The following RELL1 variants were observed in gnomAD, a reference collection of about 807,000 sequenced individuals.
RELL1 encodes the protein RELT like 1, also known as RELT-like protein 1.
Under a neutral mutation model 23.0 loss-of-function variants are expected in RELL1, and 10 were observed. The ratio of observed to expected loss-of-function variants is 0.43; its 90% CI spans 0.27 to 0.74. The LOEUF (loss-of-function observed/expected upper bound fraction) is 0.74, where lower values mean the gene tolerates loss of function less well. Ranked by LOEUF, RELL1 falls within the 30% of genes least tolerant of loss-of-function variation. The pLI is 0.19. For synonymous variants in RELL1, 146 were observed against 146.8 expected (o/e 0.99, Z 0.04); for missense variants, 315 against 364.4 (o/e 0.86, Z 1.10).
intron 1 of RELL1, among the ~76,000 whole-genome samples, chr4:37,651,137 G>A (rs1380464334): frequency 6.6e-6 from 1 of 151,978 alleles, no homozygotes; most frequent in Admixed American, 6.6e-5. Context: ...CACACAGTAA[G>A]CACTATAAAT....
chr4:37,604,360 G>GA (rs1719096530), intron 6 of RELL1, among the ~76,000 whole-genome samples: 1 of 118,904 alleles, frequency 8.4e-6, no homozygotes, highest in South Asian at 2.7e-4. Flanking sequence ...ACTATAAATC[G>GA]GGATTGGAGG....
At chr4:37,598,553 G>A (rs1037335357) in intron 6 of RELL1, among the ~76,000 whole-genome samples, 3 of 152,046 alleles carry the variant, frequency 2.0e-5, no homozygotes, top group Admixed American at 1.3e-4. Flanking sequence ...CTACCGTGAC[G>A]CCATGAGCTA....
intron 1 of RELL1, among the ~76,000 whole-genome samples, chr4:37,683,241 A>G (rs1722280913): frequency 6.6e-6 from 1 of 152,220 alleles, no homozygotes. Flanking sequence ...AGTGGGGTAC[A>G]GTGGAAAGGG....
chr4:37,625,776 AT>A (rs1380123854), intron 6 of RELL1, among the ~76,000 whole-genome samples: 2 of 152,246 alleles, frequency 1.3e-5, no homozygotes, highest in African/African-American at 4.8e-5. Flanking sequence ...CCACAAAAAA[AT>A]GATAAATATA....
intron 1 of RELL1, among the ~76,000 whole-genome samples, chr4:37,669,906 G>T (rs1257707664): frequency 1.3e-5 from 2 of 151,526 alleles, no homozygotes; most frequent in African/African-American, 4.9e-5. Flanking sequence ...AATGCGGAAG[G>T]CCGCAGGGTC....
chr4:37,600,245 G>T (rs2939738), intron 6 of RELL1, among the ~76,000 whole-genome samples: 1 of 148,194 alleles, frequency 6.7e-6, no homozygotes, highest in Non-Finnish European at 1.5e-5. Context: ...ACTCCAGCCT[G>T]GGTGACAGAG....
At chr4:37,606,911 C>G (rs545654597), downstream of RELL1, among the ~76,000 whole-genome samples, 1 of 152,148 alleles carries the variant, frequency 6.6e-6, no homozygotes, top group South Asian at 2.1e-4. The surrounding 1 kb of genome is among the most constrained non-coding windows in gnomAD (Gnocchi z 4.1). Context: ...CAAAATGAAA[C>G]CTGGCAGACA....
intron 1 of RELL1, among the ~76,000 whole-genome samples, chr4:37,663,914 C>A (rs963817665): frequency 1.3e-5 from 2 of 152,066 alleles, no homozygotes; most frequent in Non-Finnish European, 2.9e-5. Context: ...CTCCAATGAC[C>A]CTATGATATA....
chr4:37,684,882 G>A (rs1294804171), intron 1 of RELL1, among the ~76,000 whole-genome samples: 1 of 152,190 alleles, frequency 6.6e-6, no homozygotes, highest in African/African-American at 2.4e-5. Context: ...GAACCAGAGA[G>A]CTGGAGGTTG....
intron 6 of RELL1, among the ~76,000 whole-genome samples, chr4:37,618,420 A>G (rs952235605): frequency 5.9e-5 from 9 of 151,766 alleles, no homozygotes; most frequent in Admixed American, 5.9e-4. Context: ...TATTTTTTTA[A>G]GTAGAGACAG....
chr4:37,650,389 C>T (rs1031608786), intron 1 of RELL1, among the ~76,000 whole-genome samples: 3 of 152,212 alleles, frequency 2.0e-5, no homozygotes, highest in African/African-American at 7.2e-5. Context: ...AGTTATGTGA[C>T]AAGCACCACA....
downstream of RELL1, among the ~76,000 whole-genome samples, chr4:37,605,838 A>G (rs1004559789): frequency 1.4e-4 from 17 of 121,160 alleles, no homozygotes; most frequent in African/African-American, 4.5e-4. Context: ...AAAGAAAGAA[A>G]GAAAGAAGGA....
chr4:37,640,802 T>A (rs76289939), intron 3 of RELL1, among the ~76,000 whole-genome samples: 6,193 of 152,240 alleles, frequency 0.041, 181 homozygotes, highest in Middle Eastern at 0.075. Context: ...TAGGTGCAGA[T>A]CTGATGGATA....
intron 4 of RELL1, among the ~76,000 whole-genome samples, chr4:37,635,630 G>GA (rs961913716): frequency 8.0e-5 from 12 of 150,774 alleles, no homozygotes; most frequent in Middle Eastern, 3.4e-3. Context: ...GTCTCTAGAA[G>GA]AAAAAAAAAT....
At chr4:37,659,104 G>C (rs912638916) in intron 1 of RELL1, among the ~76,000 whole-genome samples, 1 of 152,130 alleles carries the variant, frequency 6.6e-6, no homozygotes, top group African/African-American at 2.4e-5. Flanking sequence ...ACTGAAATAG[G>C]CAGAGCTTGG....
chr4:37,613,989 G>C (rs17423188), intron 6 of RELL1, among the ~76,000 whole-genome samples: 3 of 152,086 alleles, frequency 2.0e-5, no homozygotes, highest in Non-Finnish European at 4.4e-5. Flanking sequence ...AGAGCTCCCC[G>C]TGTATGCTGA....
At chr4:37,613,712 G>A (rs970839190) in intron 6 of RELL1, among the ~76,000 whole-genome samples, 1 of 152,150 alleles carries the variant, frequency 6.6e-6, no homozygotes, top group African/African-American at 2.4e-5. Context: ...CAGCACGGTT[G>A]GGATTTCAAG....
intron 6 of RELL1, among the ~76,000 whole-genome samples, chr4:37,599,756 G>GT (rs1257524938): frequency 1.3e-5 from 2 of 151,974 alleles, no homozygotes; most frequent in African/African-American, 4.8e-5. Context: ...TGCGGCAATC[G>GT]TAAGACCATG....
Position 37,624,620 on chromosome 4 carries a change from G to A in RELL1, c.*3+6765C>T, listed in dbSNP as rs151284233. Among the ~76,000 whole-genome samples, 1,157 of 151,720 alleles carry A rather than the reference G, an allele frequency of 7.6e-3. 14 individuals carry two copies. Among genetic ancestry groups the A allele is most frequent in the African/African-American group, 0.026 (1,069 of 41,344 alleles). ...TTTTTTTGTATTTTTTAGTAGAGACGGGGTTTCACTGTGTTAGCCAGGATG... is the reference window on the plus strand; with the variant it reads ...TTTTTTTGTATTTTTTAGTAGAGACAGGGTTTCACTGTGTTAGCCAGGATG... On this transcript the variant is annotated intron_variant, in intron 6 of 6. Transcript: ENST00000454158.
Sources: allele counts gnomAD v4.1 joint callset (sites outside exome capture counted in the v4.1 genomes callset), GRCh38; gene constraint gnomAD v4.1.1; non-coding constraint Gnocchi (gnomAD v3.1); transcripts MANE v1.5; gene names NCBI Gene and HGNC (gene_info 2026-07-23, HGNC 2026-07-21).